The following CHRM5 variants were observed in gnomAD, a reference collection of about 807,000 sequenced individuals.
CHRM5 encodes the protein muscarinic acetylcholine receptor M5.
In CHRM5, 18 loss-of-function variants were observed where a neutral mutation model predicts 39.0. That is an observed-to-expected ratio of 0.46 (90% CI 0.32 to 0.68). The LOEUF (loss-of-function observed/expected upper bound fraction) is 0.68. CHRM5 is among the 30% of genes least tolerant of loss of function. The probability of loss-of-function intolerance (pLI) is 0.04; values close to 1 mark genes in which losing one functional copy is unlikely to be tolerated. For missense variants in CHRM5, 515 were observed against 651.1 expected (o/e 0.79, Z 2.28); for synonymous variants, 241 against 246.3 (o/e 0.98, Z 0.20).
chr15:34,017,758 G>T (rs1898004870), intron 1 of CHRM5, among the ~76,000 whole-genome samples: 2 of 152,126 alleles, frequency 1.3e-5, no homozygotes, highest in Admixed American at 1.3e-4. Context: ...GGGATTACAG[G>T]ATTGAGCCAC....
chr15:34,065,445 AGGGGGTTGTGGGGTGAGGT>A lies in CHRM5; in HGVS notation c.*1136_*1154del. ...CAGGTCAGCTGTGCTGCCTCCAAGC[AGGGGGTTGTGGGGTGAGGT>A]GGGGGTAGAAAGTCTTTTTTTATAG... On this transcript the variant is annotated 3_prime_UTR_variant, in exon 3 of 3. Transcript: ENST00000383263. 6.6e-6 allele frequency: 1 copy of A among 152,106 alleles called. No individual in the cohort carries two copies. The highest frequency in any genetic ancestry group is 2.1e-4 in the South Asian group (1 of 4,822). The allele number at this position is 152,106 out of a possible 1,614,324, so 9.4% of individuals were successfully genotyped here. A position where few individuals can be genotyped will look rare whatever the true frequency, so the allele number is the denominator to read the frequency against.
chr15:34,019,033 T>C (rs1186715372), intron 1 of CHRM5, among the ~76,000 whole-genome samples: 1 of 151,710 alleles, frequency 6.6e-6, no homozygotes, highest in Non-Finnish European at 1.5e-5. Flanking sequence ...GAGCGCTGAT[T>C]GGTGCGTTTT....
At chr15:34,040,719 G>A (rs1353374309) in intron 1 of CHRM5, among the ~76,000 whole-genome samples, 2 of 151,898 alleles carry the variant, frequency 1.3e-5, no homozygotes, top group Non-Finnish European at 2.9e-5. Context: ...CCTGAGACAT[G>A]AGTTCAAGAT....
intron 1 of CHRM5, among the ~76,000 whole-genome samples, chr15:33,976,199 T>G (rs1256231351): frequency 6.6e-6 from 1 of 152,188 alleles, no homozygotes; most frequent in East Asian, 1.9e-4. Flanking sequence ...AAAAGCCATG[T>G]TTCAATTATT....
At chr15:33,980,621 G>C (rs200877215) in intron 1 of CHRM5, among the ~76,000 whole-genome samples, 1 of 151,796 alleles carries the variant, frequency 6.6e-6, no homozygotes, top group Non-Finnish European at 1.5e-5. Flanking sequence ...AGGTAGTCAT[G>C]CACATAAGAA....
intron 1 of CHRM5, among the ~76,000 whole-genome samples, chr15:33,992,405 A>AAG (rs59738632): frequency 6.6e-6 from 1 of 152,198 alleles, no homozygotes; most frequent in Non-Finnish European, 1.5e-5. Context: ...AAAAGAAAAA[A>AAG]GAAAATCAAA....
At chr15:34,012,889 G>A (rs1485257193) in intron 1 of CHRM5, among the ~76,000 whole-genome samples, 2 of 152,146 alleles carry the variant, frequency 1.3e-5, no homozygotes, top group African/African-American at 4.8e-5. Flanking sequence ...CTTCACCTAA[G>A]TTAACCATTA....
intron 1 of CHRM5, among the ~76,000 whole-genome samples, chr15:34,043,246 C>CAA (rs59481537): frequency 5.3e-5 from 6 of 112,406 alleles, no homozygotes; most frequent in African/African-American, 1.6e-4. Flanking sequence ...GAATCCGTCT[C>CAA]AAAAAAAAAA....
At chr15:34,037,041 G>A (rs200385608) in intron 1 of CHRM5, among the ~76,000 whole-genome samples, 4 of 151,832 alleles carry the variant, frequency 2.6e-5, no homozygotes, top group East Asian at 3.9e-4. Flanking sequence ...CCCGGGAGGC[G>A]GAGGTTGCAG....
chr15:34,051,287 T>G (rs1464879343), intron 2 of CHRM5, among the ~76,000 whole-genome samples: 1 of 80,750 alleles, frequency 1.2e-5, no homozygotes, highest in South Asian at 7.5e-4. Context: ...CAAGAAGTTC[T>G]TTGAAACTGA....
intron 1 of CHRM5, among the ~76,000 whole-genome samples, chr15:34,020,025 T>C (rs541920098): frequency 1.3e-5 from 2 of 151,930 alleles, no homozygotes; most frequent in Non-Finnish European, 2.9e-5. Flanking sequence ...AAAATAGAGG[T>C]TTTAGGCTGG....
At chr15:34,006,977 T>C (rs649077) in intron 1 of CHRM5, 39,688 of 722,892 alleles carry the variant, frequency 0.055, 1,221 homozygotes, top group Non-Finnish European at 0.061. Flanking sequence ...ACTATAAAGA[T>C]AAAGGCATCA....
chr15:34,060,720 T>C (rs567652040), intron 2 of CHRM5, among the ~76,000 whole-genome samples: 147 of 152,178 alleles, frequency 9.7e-4, no homozygotes, highest in Non-Finnish European at 2.0e-3. Flanking sequence ...TACTAAAAAG[T>C]ACAAAAATTA....
chr15:34,064,388 G>T lies in CHRM5; in HGVS notation c.*72G>T. On this transcript the variant is annotated 3_prime_UTR_variant, in exon 3 of 3. Coordinates refer to ENST00000383263, the MANE Select transcript of CHRM5 (RefSeq NM_012125.4). ...CTCTGAGGATGAGCAAGCTGATTCTGGTTTGTATATTTTCAAAAAGAAGAC... is the reference window on the plus strand; with the variant it reads ...CTCTGAGGATGAGCAAGCTGATTCTTGTTTGTATATTTTCAAAAAGAAGAC... The T allele has an allele frequency of 6.8e-7, 1 of 1,463,286 alleles. No homozygotes were observed. The highest frequency in any genetic ancestry group is 9.1e-7 in the Non-Finnish European group (1 of 1,101,182). The allele number at this position is 1,463,286 out of a possible 1,614,324, so 90.6% of individuals were successfully genotyped here.
At chr15:33,985,012 C>T (rs933630479) in intron 1 of CHRM5, among the ~76,000 whole-genome samples, 14 of 152,198 alleles carry the variant, frequency 9.2e-5, no homozygotes, top group African/African-American at 3.1e-4. Context: ...ACCAGCTGAA[C>T]CTTTCCTGGG....
intron 2 of CHRM5, among the ~76,000 whole-genome samples, chr15:34,060,887 G>A (rs1347827467): frequency 1.3e-5 from 2 of 151,936 alleles, no homozygotes; most frequent in East Asian, 3.9e-4. Context: ...GTGGTGGCAG[G>A]CGCCTGTAGT....
intron 1 of CHRM5, among the ~76,000 whole-genome samples, chr15:34,030,123 A>C (rs999112165): frequency 6.6e-6 from 1 of 151,980 alleles, no homozygotes; most frequent in Non-Finnish European, 1.5e-5. Context: ...GCATGGTGGC[A>C]CATGTCTGTA....
chr15:33,975,238 A>G (rs1301893292), intron 1 of CHRM5, among the ~76,000 whole-genome samples: 1 of 152,200 alleles, frequency 6.6e-6, no homozygotes, highest in Non-Finnish European at 1.5e-5. Context: ...GAGGATTCAC[A>G]AAGATATTCT....
chr15:34,015,243 G>A (rs759886773), intron 1 of CHRM5, among the ~76,000 whole-genome samples: 18 of 152,062 alleles, frequency 1.2e-4, no homozygotes, highest in Non-Finnish European at 2.4e-4. Flanking sequence ...CAGCACTTTC[G>A]GAGGCCAAGG....
Sources: allele counts gnomAD v4.1 joint callset (sites outside exome capture counted in the v4.1 genomes callset), GRCh38; gene constraint gnomAD v4.1.1; transcripts MANE v1.5; gene names NCBI Gene and HGNC (gene_info 2026-07-23, HGNC 2026-07-21).